SGO2: variants seen among roughly 807,000 people sequenced by gnomAD.
The protein encoded by SGO2 is shugoshin-like 2.
SGO2 carries 68 observed loss-of-function variants against 99.5 expected under a neutral mutation model. The observed-to-expected ratio is 0.68, with a 90% CI of 0.56 to 0.84. The LOEUF (loss-of-function observed/expected upper bound fraction) is 0.84. Among genes scored for constraint, SGO2 ranks in the 40% least tolerant of loss-of-function variants. The pLI is 0.00. For missense variants in SGO2, 1,350 were observed against 1,436.7 expected (o/e 0.94, Z 0.97); for synonymous variants, 457 against 487.1 (o/e 0.94, Z 0.81).
At chr2:200,532,699 A>G (rs1016864519) in intron 1 of SGO2, among the ~76,000 whole-genome samples, 5 of 152,194 alleles carry the variant, frequency 3.3e-5, no homozygotes, top group Middle Eastern at 3.4e-3. Context: ...CATGCATTCC[A>G]TGAGGGCAGA....
chr2:200,574,564 T>A (rs142568086), intron 7 of SGO2, among the ~76,000 whole-genome samples: 8 of 152,178 alleles, frequency 5.3e-5, no homozygotes, highest in Non-Finnish European at 8.8e-5. Context: ...ACTAGAGGAA[T>A]CTTCAAACGC....
chr2:200,571,377 G>T lies in SGO2; in HGVS notation c.1031G>T (p.Cys344Phe). The T allele has an allele frequency of 6.2e-7, 1 of 1,611,400 alleles. No homozygotes were observed. Among genetic ancestry groups the T allele is most frequent in the Non-Finnish European group, 8.5e-7 (1 of 1,177,986 alleles). Reference protein sequence around the residue: ...SESAREPNAECMNQIEDNDDF... With the variant: ...SESAREPNAEFMNQIEDNDDF... ...TCTGCCAGAGAACCTAATGCAGAGT[G>T]CATGAATCAAATTGAGGATAATGAT... The change falls in exon 7 of 9, where the codon TGC (cysteine) becomes TTC (phenylalanine). Residue 344 changes from cysteine to phenylalanine, a missense_variant. Physicochemically the swap from Cys to Phe is radical, Grantham distance 205. Coordinates refer to ENST00000357799, the MANE Select transcript of SGO2 (RefSeq NM_152524.6).
chr2:200,536,696 C>A (rs1391383922), intron 4 of SGO2, among the ~76,000 whole-genome samples: 7 of 152,250 alleles, frequency 4.6e-5, no homozygotes, highest in Non-Finnish European at 1.0e-4. Flanking sequence ...AGTATACATT[C>A]TTGGTAGCTA....
At chr2:200,527,628 A>C (rs1289703266) in intron 1 of SGO2, among the ~76,000 whole-genome samples, 3 of 152,204 alleles carry the variant, frequency 2.0e-5, no homozygotes, top group Non-Finnish European at 2.9e-5. Context: ...GACCCATTCC[A>C]AGAGTGGGCG....
At chr2:200,562,250 G>T (rs2033002975) in intron 5 of SGO2, among the ~76,000 whole-genome samples, 1 of 152,106 alleles carries the variant, frequency 6.6e-6, no homozygotes, top group Admixed American at 6.5e-5. Flanking sequence ...GTAAGGAGGG[G>T]ATCCAGTTTC....
rs192825865 is a variant in SGO2 at position 200,526,826 on chromosome 2, G to T, written c.-3+574G>T. ...AATTGGATGTGGAACTGAGTATTTCGTATTTAGAGATAGTCGAGATGCTGG... is the reference window on the plus strand; with the variant it reads ...AATTGGATGTGGAACTGAGTATTTCTTATTTAGAGATAGTCGAGATGCTGG... On this transcript the variant is annotated intron_variant, in intron 1 of 8. Coordinates refer to ENST00000357799, the MANE Select transcript of SGO2 (RefSeq NM_152524.6). The surrounding 1 kb of genome is among the most constrained non-coding windows in gnomAD (Gnocchi z 4.8). 2.8e-3 allele frequency among the ~76,000 whole-genome samples: 419 copies of T among 152,228 alleles called. 2 individuals carry two copies. The highest frequency in any genetic ancestry group is 9.5e-3 in the African/African-American group (395 of 41,538).
intron 5 of SGO2, among the ~76,000 whole-genome samples, chr2:200,558,284 C>T (rs991384582): frequency 6.6e-6 from 1 of 152,106 alleles, no homozygotes; most frequent in Non-Finnish European, 1.5e-5. Flanking sequence ...TGTAGATTCT[C>T]TTAATCAGAT....
At chr2:200,561,387 T>G (rs1482555370) in intron 5 of SGO2, among the ~76,000 whole-genome samples, 3 of 152,238 alleles carry the variant, frequency 2.0e-5, no homozygotes, top group African/African-American at 7.2e-5. Flanking sequence ...TCCTTTTTTA[T>G]GGCTGCATAG....
chr2:200,529,671 C>T (rs2031275650), intron 1 of SGO2, among the ~76,000 whole-genome samples: 1 of 152,140 alleles, frequency 6.6e-6, no homozygotes, highest in Admixed American at 6.5e-5. Flanking sequence ...GGATTACGGG[C>T]ACCTGCCACC....
At chr2:200,580,427 G>A in intron 8 of SGO2, 1 of 397,322 alleles carries the variant, frequency 2.5e-6, no homozygotes, top group Non-Finnish European at 5.0e-6. Flanking sequence ...CTACTTCACT[G>A]ACTTCTGCTT....
At chr2:200,547,052 TAA>T (rs891965389) in intron 5 of SGO2, among the ~76,000 whole-genome samples, 5 of 152,032 alleles carry the variant, frequency 3.3e-5, no homozygotes, top group Non-Finnish European at 4.4e-5. Flanking sequence ...TCAATGCAAA[TAA>T]GACAACTTCA....
chr2:200,570,949 A>T lies in SGO2; in HGVS notation c.704-101A>T. The T allele has an allele frequency of 9.0e-7, 1 of 1,107,710 alleles. No homozygotes were observed. Among genetic ancestry groups the T allele is most frequent in the Non-Finnish European group, 1.3e-6 (1 of 790,596 alleles). 68.6% of individuals were successfully genotyped at this position (1,107,710 alleles called of 1,614,324 possible). On this transcript the variant is annotated intron_variant, in intron 6 of 8. Transcript: ENST00000357799. This position sits in a 1 kb window ranked among gnomAD's most constrained non-coding sequence, Gnocchi z 4.4. Reference sequence around the variant, plus strand: ...GATCTGATCAGAACACATTGTCAGAAATTATATCTGTGAAACAGCTTGATT... The same window carrying T: ...GATCTGATCAGAACACATTGTCAGATATTATATCTGTGAAACAGCTTGATT...
At position 200,571,616 on chromosome 2, in the gene SGO2, G is replaced by A. The variant is rs1462810872; in HGVS notation, c.1270G>A (p.Asp424Asn). Residue 424 changes from aspartate (D) to asparagine (N), a missense_variant, in exon 7 of 9, where the codon GAT becomes AAT. Physicochemically the swap from Asp to Asn is conservative, Grantham distance 23. Transcript: ENST00000357799. ...ACAGTTTAAAAATAGTTCAGATGTC[G>A]ATATTGGGGAAAAGATTGAAAACAG... is the stretch of plus-strand genomic sequence containing the variant. Reference protein sequence around the residue: ...KRQFKNSSDVDIGEKIENRTE... With the variant: ...KRQFKNSSDVNIGEKIENRTE... 6 of 1,612,726 alleles carry A rather than the reference G, an allele frequency of 3.7e-6. No individual in the cohort carries two copies. The highest frequency in any genetic ancestry group is 5.1e-6 in the Non-Finnish European group (6 of 1,179,542).
Position 200,570,991 on chromosome 2 carries a change from T to G in SGO2, c.704-59T>G, listed in dbSNP as rs1419827600. 8 of 1,458,656 alleles carry G rather than the reference T, an allele frequency of 5.5e-6. No homozygotes were observed. Among genetic ancestry groups the G allele is most frequent in the African/African-American group, 2.9e-5 (2 of 70,098 alleles). 90.4% of individuals were successfully genotyped at this position (1,458,656 alleles called of 1,614,324 possible). On this transcript the variant is annotated intron_variant, in intron 6 of 8. Transcript: ENST00000357799. This position sits in a 1 kb window ranked among gnomAD's most constrained non-coding sequence, Gnocchi z 4.4. ...AGCTTGATTTCGAATCTAATTTGTT[T>G]AAGGTAACTTATTTATTTCATTACT...
intron 4 of SGO2, among the ~76,000 whole-genome samples, chr2:200,536,693 ATTCTTGGTAGCTACC>A (rs1179983331): frequency 2.6e-5 from 4 of 152,148 alleles, no homozygotes; most frequent in African/African-American, 9.6e-5. Flanking sequence ...CACAGTATAC[ATTCTTGGTAGCTACC>A]TTCTTGAACT....
At chr2:200,574,958 T>G (rs766940304) in intron 7 of SGO2, among the ~76,000 whole-genome samples, 1 of 152,056 alleles carries the variant, frequency 6.6e-6, no homozygotes, top group Non-Finnish European at 1.5e-5. Flanking sequence ...TACAAAGGTT[T>G]AGAGTTGCAG....
At position 200,575,318 on chromosome 2, in the gene SGO2, A is replaced by G; in HGVS notation, c.3639A>G (p.Arg1213=). Residue 1213 remains arginine, a synonymous_variant, in exon 8 of 9, where the codon AGA becomes AGG. Transcript: ENST00000357799. ...RRTQKSGIGD[R]PLQDLSNTSF... is the part of the protein sequence containing the mutation. ...AATAATATTCTTTTTCAGGTGATAG[A>G]CCATTACAGGACTTGTCAAATACCA... 1 of 1,567,144 alleles carries G rather than the reference A, an allele frequency of 6.4e-7. No individual in the cohort carries two copies. The highest frequency in any genetic ancestry group is 1.9e-5 in the Admixed American group (1 of 53,936).
At chr2:200,550,770 C>T (rs2032447967) in intron 5 of SGO2, among the ~76,000 whole-genome samples, 1 of 152,022 alleles carries the variant, frequency 6.6e-6, no homozygotes, top group Non-Finnish European at 1.5e-5. Context: ...CAGGAGTGAT[C>T]TGGGCAAAAA....
rs1057424154 is a variant in SGO2, at chr2:200,548,714, TGAGA to T, written c.473+6056_473+6059del. On this transcript the variant is annotated intron_variant, in intron 5 of 8. Transcript: ENST00000357799. ...AACATTGACAAACCTTTAGCTAGACTGAGAGAGAGGACTATAATAAATAAAATCA... is the reference window on the plus strand; with the variant it reads ...AACATTGACAAACCTTTAGCTAGACTGAGAGGACTATAATAAATAAAATCA... Among the ~76,000 whole-genome samples, 23 of 152,012 alleles carry T rather than the reference TGAGA, an allele frequency of 1.5e-4. No individual in the cohort carries two copies. In the East Asian group the frequency reaches 2.5e-3, roughly 17 times the overall value.
Sources: gnomAD v4.1 joint callset for allele counts (sites outside exome capture counted in the v4.1 genomes callset) on GRCh38, gnomAD v4.1.1 for gene constraint, Gnocchi (gnomAD v3.1) non-coding constraint, MANE v1.5 for transcripts, NCBI Gene and HGNC (gene_info 2026-07-23, HGNC 2026-07-21) for gene names.